Variants in PRKCB observed in about 807,000 individuals in gnomAD.
PRKCB encodes the protein protein kinase C beta type.
PRKCB carries 13 observed loss-of-function variants against 81.5 expected under a neutral mutation model. That is an observed-to-expected ratio of 0.16 (90% CI 0.10 to 0.25). The LOEUF (loss-of-function observed/expected upper bound fraction) is 0.25. PRKCB is among the 10% of genes least tolerant of loss of function. The pLI is 1.00. For missense variants in PRKCB, 509 were observed against 875.7 expected (o/e 0.58, Z 5.29); for synonymous variants, 335 against 321.4 (o/e 1.04, Z -0.45).
chr16:23,964,255 G>A (rs1354112220), intron 2 of PRKCB, among the ~76,000 whole-genome samples: 4 of 152,218 alleles, frequency 2.6e-5, no homozygotes, highest in Admixed American at 6.5e-5. Flanking sequence ...CTTCCACAGC[G>A]CTGATCTAGA....
Position 23,988,800 on chromosome 16 carries a change from A to G in PRKCB, c.288+210A>G, listed in dbSNP as rs3729890. On this transcript the variant is annotated intron_variant, in intron 3 of 16. Coordinates refer to ENST00000643927, the MANE Select transcript of PRKCB (RefSeq NM_002738.7). The stretch of plus-strand genomic sequence containing the variant: ...GGATAGGAAGTCAGCTAGTTTGTCT[A>G]CTATGATTTTGCTAATGTCTTCACT... Among the ~76,000 whole-genome samples, 978 of 152,142 alleles carry G rather than the reference A, an allele frequency of 6.4e-3. 9 individuals are homozygous for G. The highest frequency in any genetic ancestry group is 0.023 in the African/African-American group (936 of 41,486).
At chr16:24,175,421 A>G (rs985746231) in intron 12 of PRKCB, among the ~76,000 whole-genome samples, 1 of 134,484 alleles carries the variant, frequency 7.4e-6, no homozygotes, top group Non-Finnish European at 1.6e-5. Context: ...GAAGTGAATA[A>G]AACAGATGAA....
intron 3 of PRKCB, among the ~76,000 whole-genome samples, chr16:24,009,235 A>G (rs1333885075): frequency 6.6e-6 from 1 of 152,160 alleles, no homozygotes; most frequent in Non-Finnish European, 1.5e-5. Context: ...GCTGAATCAT[A>G]TGGTAGTTCT....
intron 9 of PRKCB, among the ~76,000 whole-genome samples, chr16:24,148,590 G>T (rs1190515912): frequency 6.6e-6 from 1 of 152,154 alleles, no homozygotes; most frequent in East Asian, 1.9e-4. Flanking sequence ...AAACAATATT[G>T]TTATTATTGA....
At chr16:24,030,984 A>T (rs1403938272) in intron 3 of PRKCB, among the ~76,000 whole-genome samples, 1 of 152,002 alleles carries the variant, frequency 6.6e-6, no homozygotes, top group Non-Finnish European at 1.5e-5. Flanking sequence ...GAATCACTTG[A>T]GCCCAGGAAG....
intron 2 of PRKCB, among the ~76,000 whole-genome samples, chr16:23,915,230 A>G (rs923101418): frequency 1.3e-5 from 2 of 152,162 alleles, no homozygotes; most frequent in Non-Finnish European, 2.9e-5. Context: ...GCTGAGGTTT[A>G]CAGCCCTGCC....
intron 7 of PRKCB, among the ~76,000 whole-genome samples, chr16:24,101,841 G>T (rs886359053): frequency 6.6e-6 from 1 of 152,232 alleles, no homozygotes; most frequent in African/African-American, 2.4e-5. Context: ...AACGGCTTAA[G>T]AATAGGGATA....
At chr16:23,939,557 A>G (rs1192990101) in intron 2 of PRKCB, among the ~76,000 whole-genome samples, 1 of 152,210 alleles carries the variant, frequency 6.6e-6, no homozygotes, top group East Asian at 1.9e-4. Context: ...CACCCACACA[A>G]GTATGCTCAA....
chr16:23,844,316 T>G (rs1962323885), intron 2 of PRKCB, among the ~76,000 whole-genome samples: 1 of 152,228 alleles, frequency 6.6e-6, no homozygotes, highest in Non-Finnish European at 1.5e-5. Context: ...ACATCCACAG[T>G]GTTTACATAT....
chr16:24,108,085 G>C (rs1306182086), intron 7 of PRKCB, among the ~76,000 whole-genome samples: 1 of 151,922 alleles, frequency 6.6e-6, no homozygotes, highest in African/African-American at 2.4e-5. Context: ...GCAGGCTTTC[G>C]ATTGAGAGCC....
intron 15 of PRKCB, among the ~76,000 whole-genome samples, chr16:24,187,829 C>CCA (rs1967728654): frequency 6.6e-6 from 1 of 152,180 alleles, no homozygotes; most frequent in Non-Finnish European, 1.5e-5. Flanking sequence ...CAGGCATGGG[C>CCA]CACTGCACCC....
intron 9 of PRKCB, among the ~76,000 whole-genome samples, chr16:24,139,806 C>T (rs995858785): frequency 1.3e-5 from 2 of 152,106 alleles, no homozygotes; most frequent in Non-Finnish European, 2.9e-5. Flanking sequence ...AAGAAATAGC[C>T]AAGTTGTATC....
At chr16:24,027,328 A>G (rs749496062) in intron 3 of PRKCB, among the ~76,000 whole-genome samples, 8 of 152,196 alleles carry the variant, frequency 5.3e-5, no homozygotes, top group Non-Finnish European at 1.0e-4. Flanking sequence ...AAGAAGCACA[A>G]TGGGAACTGT....
intron 3 of PRKCB, among the ~76,000 whole-genome samples, chr16:24,007,153 T>C (rs1314289141): frequency 6.6e-6 from 1 of 152,328 alleles, no homozygotes; most frequent in East Asian, 1.9e-4. Context: ...TTCAGTTTCC[T>C]CATCTATAAA....
rs75402048 is a variant in PRKCB at position 24,149,032 on chromosome 16, C to T, written c.1066-5652C>T. Among the ~76,000 whole-genome samples, 831 of 152,276 alleles carry T rather than the reference C, an allele frequency of 5.5e-3. 6 individuals carry two copies. Among genetic ancestry groups the T allele is most frequent in the African/African-American group, 0.019 (804 of 41,552 alleles). On this transcript the variant is annotated intron_variant, in intron 9 of 16. Transcript: ENST00000643927. The stretch of plus-strand genomic sequence containing the variant: ...GGGAATGATCACTGGTTGGTTGTGG[C>T]TTGAGGTTTTTCCTGCACTGGCTGG...
rs8055811 is a variant in PRKCB, at chr16:24,008,229, C to T, written c.288+19639C>T. 4.6e-3 allele frequency among the ~76,000 whole-genome samples: 697 copies of T among 152,324 alleles called. 6 individuals are homozygous for T. Among genetic ancestry groups the T allele is most frequent in the African/African-American group, 0.015 (615 of 41,572 alleles). On this transcript the variant is annotated intron_variant, in intron 3 of 16. Coordinates refer to ENST00000643927, the MANE Select transcript of PRKCB (RefSeq NM_002738.7). ...GCCCTCTGGCCCGTGGGGCTATGCT[C>T]TTACCTAGTACCTCAAACTGCCTGG...
chr16:23,853,837 A>C (rs1434041560), intron 2 of PRKCB, among the ~76,000 whole-genome samples: 1 of 151,334 alleles, frequency 6.6e-6, no homozygotes, highest in Non-Finnish European at 1.5e-5. Flanking sequence ...CTGTTGTATT[A>C]ATCCATTCTC....
chr16:24,128,089 C>T (rs1343882408), intron 9 of PRKCB, among the ~76,000 whole-genome samples: 1 of 119,306 alleles, frequency 8.4e-6, no homozygotes, highest in Non-Finnish European at 1.7e-5. Context: ...GTTTTTAAAC[C>T]CTAATGGCCA....
intron 3 of PRKCB, among the ~76,000 whole-genome samples, chr16:24,023,648 G>A (rs1324691767): frequency 6.6e-6 from 1 of 152,128 alleles, no homozygotes; most frequent in Non-Finnish European, 1.5e-5. Flanking sequence ...GATTACAGAC[G>A]TGAGCCACCG....
Sources: allele counts gnomAD v4.1 joint callset (sites outside exome capture counted in the v4.1 genomes callset), GRCh38; gene constraint gnomAD v4.1.1; transcripts MANE v1.5; gene names NCBI Gene and HGNC (gene_info 2026-07-23, HGNC 2026-07-21).